The following ZFAND1 variants were observed in gnomAD, a reference collection of about 807,000 sequenced individuals.
ZFAND1 encodes AN1-type zinc finger protein 1.
Under a neutral mutation model 38.5 loss-of-function variants are expected in ZFAND1, and 40 were observed. The ratio of observed to expected loss-of-function variants is 1.04; its 90% CI spans 0.81 to 1.35. The LOEUF (loss-of-function observed/expected upper bound fraction) is 1.35. Among genes scored for constraint, ZFAND1 ranks in the 40% most tolerant of loss-of-function variants. The pLI is 0.00. For synonymous variants in ZFAND1, 117 were observed against 103.6 expected, an observed-to-expected ratio of 1.13 and a Z score of -0.78; for missense variants, 346 against 316.3, an observed-to-expected ratio of 1.09 and a Z score of -0.71.
intron 6 of ZFAND1, among the ~76,000 whole-genome samples, chr8:81,706,745 GA>G (rs1207591795): frequency 7.2e-5 from 11 of 151,904 alleles, no homozygotes; most frequent in African/African-American, 2.4e-4. Flanking sequence ...AACACTAGTA[GA>G]AAAAACTTCT....
Position 81,702,990 on chromosome 8 carries a change from G to A in ZFAND1, c.615C>T (p.Asp205=). 1 of 1,522,026 alleles carries A rather than the reference G, an allele frequency of 6.6e-7. No individual in the cohort carries two copies. The highest frequency in any genetic ancestry group is 1.3e-5 in the South Asian group (1 of 76,312). 94.3% of individuals were successfully genotyped at this position (1,522,026 alleles called of 1,614,324 possible). A position where few individuals can be genotyped will look rare whatever the true frequency, so the allele number is the denominator to read the frequency against. ...TTACCTTAGCTGTAAATTTGTTATT[G>A]TCATTTTTAAGCCTGGCTAGAGAAG... ...FAASLARLKN[D]NNKFTAKKLR... The change falls in exon 7 of 8, where the codon GAC becomes GAT. Residue 205 remains aspartate, a synonymous_variant. Coordinates refer to ENST00000220669, the MANE Select transcript of ZFAND1 (RefSeq NM_024699.3).
intron 1 of ZFAND1, among the ~76,000 whole-genome samples, chr8:81,720,598 G>T (rs1248848855): frequency 6.6e-6 from 1 of 152,124 alleles, no homozygotes; most frequent in Non-Finnish European, 1.5e-5. Context: ...ACACATCCAC[G>T]TGAACACTAG....
intron 6 of ZFAND1, among the ~76,000 whole-genome samples, chr8:81,708,222 A>G (rs1808037284): frequency 6.9e-6 from 1 of 145,672 alleles, no homozygotes; most frequent in Non-Finnish European, 1.5e-5. Flanking sequence ...TGCGCTCCAG[A>G]CTGGGCAACA....
At chr8:81,706,092 C>T (rs754241512) in intron 6 of ZFAND1, among the ~76,000 whole-genome samples, 1 of 151,894 alleles carries the variant, frequency 6.6e-6, no homozygotes, top group Non-Finnish European at 1.5e-5. Flanking sequence ...TAGAAACATT[C>T]CACAGAAATT....
chr8:81,717,720 T>C (rs1222375890), intron 2 of ZFAND1, among the ~76,000 whole-genome samples: 1 of 152,144 alleles, frequency 6.6e-6, no homozygotes, highest in Non-Finnish European at 1.5e-5. Context: ...ATTTTATAAT[T>C]TAAATGCTTG....
chr8:81,714,721 G>A (rs778485615), intron 5 of ZFAND1, 83 bp downstream of exon 5: 2 of 1,165,926 alleles, frequency 1.7e-6, no homozygotes, highest in Non-Finnish European at 2.6e-6. Flanking sequence ...TATTAATGAT[G>A]CCTCCCATAA....
At position 81,701,634 on chromosome 8, in the gene ZFAND1, G is replaced by C. The variant is rs1563600417; in HGVS notation, c.*1061C>G. 2 of 152,126 alleles carry C rather than the reference G, an allele frequency of 1.3e-5. No homozygotes were observed. The highest frequency in any genetic ancestry group is 4.8e-5 in the African/African-American group (2 of 41,436). The allele number at this position is 152,126 out of a possible 1,614,324, so 9.4% of individuals were successfully genotyped here. A position where few individuals can be genotyped will look rare whatever the true frequency, so the allele number is the denominator to read the frequency against. The stretch of plus-strand genomic sequence containing the variant: ...AACTCAAATAACTATGCTAATGAAT[G>C]AAAGTACAAGAACATAATAAAAGTT... On this transcript the variant is annotated 3_prime_UTR_variant, in exon 8 of 8. Coordinates refer to ENST00000220669, the MANE Select transcript of ZFAND1 (RefSeq NM_024699.3).
At chr8:81,718,657 T>G (rs1300647343) in intron 1 of ZFAND1, among the ~76,000 whole-genome samples, 1 of 149,716 alleles carries the variant, frequency 6.7e-6, no homozygotes, top group Non-Finnish European at 1.5e-5. Flanking sequence ...TATATTTTTA[T>G]ATATATCCAA....
intron 3 of ZFAND1, among the ~76,000 whole-genome samples, chr8:81,716,178 C>T (rs62512329): frequency 6.6e-6 from 1 of 152,178 alleles, no homozygotes; most frequent in Non-Finnish European, 1.5e-5. Context: ...TTTGGTAAAG[C>T]ACTTGGTAAA....
In ZFAND1 at chr8:81,714,046, A is replaced by C; in HGVS notation, c.359-7T>G. ...GTTTCTCCTGTCTTGGAATCTAAGA[A>C]GTGTAAGCATGTAATCACATAAAAC... On this transcript the variant is annotated splice_region_variant and splice_polypyrimidine_tract_variant and intron_variant, in intron 5 of 7. Coordinates refer to ENST00000220669, the MANE Select transcript of ZFAND1 (RefSeq NM_024699.3). 6.3e-7 allele frequency: 1 copy of C among 1,594,666 alleles called. No individual in the cohort carries two copies. Among genetic ancestry groups the C allele is most frequent in the South Asian group, 1.1e-5 (1 of 87,328 alleles).
intron 2 of ZFAND1, among the ~76,000 whole-genome samples, chr8:81,717,638 C>T (rs1470963546): frequency 1.3e-5 from 2 of 152,068 alleles, no homozygotes; most frequent in Admixed American, 6.5e-5. Flanking sequence ...TAAAAATATA[C>T]ATTACTTTTA....
intron 6 of ZFAND1, among the ~76,000 whole-genome samples, chr8:81,709,743 G>A (rs1808082590): frequency 6.6e-6 from 1 of 152,000 alleles, no homozygotes; most frequent in Non-Finnish European, 1.5e-5. Context: ...CAAACTTATA[G>A]AATGCTTTAT....
intron 6 of ZFAND1, among the ~76,000 whole-genome samples, chr8:81,703,453 C>T (rs541520427): frequency 3.3e-5 from 5 of 152,154 alleles, no homozygotes; most frequent in Non-Finnish European, 7.4e-5. Flanking sequence ...GAGGGAGTTT[C>T]GCTCTTGTTG....
chr8:81,713,419 A>G (rs60769541), intron 6 of ZFAND1, among the ~76,000 whole-genome samples: 137,489 of 152,136 alleles, frequency 0.9, 62,300 homozygotes, highest in African/African-American at 0.97. Context: ...CACCACGCCC[A>G]GCCACAATCT....
At chr8:81,711,895 T>G (rs1291846760) in intron 6 of ZFAND1, among the ~76,000 whole-genome samples, 1 of 152,138 alleles carries the variant, frequency 6.6e-6, no homozygotes, top group African/African-American at 2.4e-5. Context: ...GTTACCAACC[T>G]TTGAGAACAA....
chr8:81,708,616 T>C (rs944638029), intron 6 of ZFAND1, among the ~76,000 whole-genome samples: 2 of 152,180 alleles, frequency 1.3e-5, no homozygotes, highest in African/African-American at 2.4e-5. Flanking sequence ...AACTGAATAG[T>C]AGTCAGGAAA....
intron 1 of ZFAND1, among the ~76,000 whole-genome samples, chr8:81,718,772 T>C (rs1808385892): frequency 6.6e-6 from 1 of 150,624 alleles, no homozygotes; most frequent in Admixed American, 6.6e-5. Context: ...TTTATATTTA[T>C]ATATACACCT....
chr8:81,712,603 T>C (rs550339324), intron 6 of ZFAND1, among the ~76,000 whole-genome samples: 16 of 152,236 alleles, frequency 1.1e-4, no homozygotes, highest in African/African-American at 3.9e-4. Flanking sequence ...AAAGGTATTA[T>C]TTATAATGAC....
At chr8:81,717,394 A>C (rs537588469) in intron 2 of ZFAND1, 106 bp from the exon 3 acceptor site, 45 of 735,386 alleles carry the variant, frequency 6.1e-5, no homozygotes, top group African/African-American at 6.0e-4. Context: ...TTATGCTCAT[A>C]CTACATTAAT....
Sources: gnomAD v4.1 joint callset for allele counts (sites outside exome capture counted in the v4.1 genomes callset) on GRCh38, gnomAD v4.1.1 for gene constraint, MANE v1.5 for transcripts, NCBI Gene and HGNC (gene_info 2026-07-23, HGNC 2026-07-21) for gene names.